SMARCC1: variants seen among roughly 807,000 people sequenced by gnomAD.
SMARCC1 encodes the protein SWI/SNF complex subunit SMARCC1.
Under a neutral mutation model 147.4 loss-of-function variants are expected in SMARCC1, and 43 were observed. The observed-to-expected ratio is 0.29, with a 90% CI of 0.23 to 0.38. The LOEUF is 0.38. Ranked by LOEUF, SMARCC1 falls within the 10% of genes least tolerant of loss-of-function variation. The pLI is 1.00. For missense variants in SMARCC1, 1,119 were observed against 1,381.1 expected (o/e 0.81, Z 3.01); for synonymous variants, 495 against 484.4 (o/e 1.02, Z -0.29).
chr3:47,731,529 A>G (rs1032497173), intron 5 of SMARCC1, among the ~76,000 whole-genome samples: 2 of 152,216 alleles, frequency 1.3e-5, no homozygotes, highest in Non-Finnish European at 2.9e-5. Flanking sequence ...GCCCAGATCC[A>G]TCATAAGAAC....
chr3:47,644,448 A>G (rs549060382), intron 21 of SMARCC1, among the ~76,000 whole-genome samples: 2 of 152,190 alleles, frequency 1.3e-5, no homozygotes, highest in South Asian at 4.2e-4. Flanking sequence ...ATAAGCTATG[A>G]TTGTACCTCT....
chr3:47,589,606 A>C (rs1490735787), intron 27 of SMARCC1, among the ~76,000 whole-genome samples: 1 of 152,198 alleles, frequency 6.6e-6, no homozygotes, highest in Non-Finnish European at 1.5e-5. Context: ...TTGTGATCTT[A>C]TATACCTAGA....
intron 1 of SMARCC1, among the ~76,000 whole-genome samples, chr3:47,773,523 T>C (rs150840196): frequency 2.7e-5 from 4 of 148,326 alleles, no homozygotes; most frequent in East Asian, 2.0e-4. Context: ...CAAGGAAAAA[T>C]AATGGGTAAC....
At chr3:47,654,410 A>C (rs1297183407) in intron 21 of SMARCC1, among the ~76,000 whole-genome samples, 1 of 152,262 alleles carries the variant, frequency 6.6e-6, no homozygotes, top group Non-Finnish European at 1.5e-5. Context: ...TTAATTTTCA[A>C]ACTAAGAATT....
intron 26 of SMARCC1, among the ~76,000 whole-genome samples, chr3:47,594,486 TAGGCAGTGTTGAAG>T (rs1193790516): frequency 6.6e-6 from 1 of 152,126 alleles, no homozygotes; most frequent in Admixed American, 6.5e-5. Flanking sequence ...AGGACAGAAA[TAGGCAGTGTTGAAG>T]AGTCTGCCAA....
intron 24 of SMARCC1, among the ~76,000 whole-genome samples, chr3:47,634,989 A>G (rs2032949485): frequency 6.6e-6 from 1 of 152,242 alleles, no homozygotes; most frequent in African/African-American, 2.4e-5. Context: ...GAATGGAATG[A>G]AAAAAGTCAC....
At chr3:47,694,328 A>AG (rs2033823326) in intron 11 of SMARCC1, among the ~76,000 whole-genome samples, 1 of 152,184 alleles carries the variant, frequency 6.6e-6, no homozygotes, top group South Asian at 2.1e-4. Context: ...AGGCCAGGTG[A>AG]GGTGGCTCAT....
intron 2 of SMARCC1, among the ~76,000 whole-genome samples, chr3:47,766,880 G>A (rs1052406716): frequency 2.6e-5 from 4 of 152,002 alleles, no homozygotes; most frequent in East Asian, 1.9e-4. Flanking sequence ...GACTTGGGAA[G>A]TTACTATATA....
Position 47,781,830 on chromosome 3 carries a change from A to T in SMARCC1, c.-33T>A, listed in dbSNP as rs1488262190. On this transcript the variant is annotated 5_prime_UTR_variant, in exon 1 of 28. Transcript: ENST00000254480. ...GCCCGTCGTCCCCACAGCCTGGCCC[A>T]CCCCGGCCCTCGCGGTGTTTCCCGG... The T allele has an allele frequency of 6.9e-6, 9 of 1,299,748 alleles. No homozygotes were observed. In the East Asian group the frequency reaches 2.9e-4, roughly 42 times the overall value. 80.5% of individuals were successfully genotyped at this position (1,299,748 alleles called of 1,614,324 possible). A position where few individuals can be genotyped will look rare whatever the true frequency, so the allele number is the denominator to read the frequency against.
intron 4 of SMARCC1, among the ~76,000 whole-genome samples, chr3:47,736,563 C>A (rs908470155): frequency 1.3e-5 from 2 of 151,892 alleles, no homozygotes; most frequent in African/African-American, 2.4e-5. Context: ...GTAGTCCCAG[C>A]TACTCGGGAG....
At chr3:47,650,298 A>AATTATTATT (rs55981108) in intron 21 of SMARCC1, among the ~76,000 whole-genome samples, 10 of 141,062 alleles carry the variant, frequency 7.1e-5, no homozygotes, top group Middle Eastern at 3.6e-3. Context: ...TAATAATAAT[A>AATTATTATT]ATTATTATTA....
At chr3:47,636,513 C>A (rs895515938) in intron 22 of SMARCC1, among the ~76,000 whole-genome samples, 1 of 152,204 alleles carries the variant, frequency 6.6e-6, no homozygotes, top group African/African-American at 2.4e-5. Flanking sequence ...GTCTGGGAGG[C>A]TGAGGCAGGC....
chr3:47,634,773 T>G (rs1443583146), intron 24 of SMARCC1, among the ~76,000 whole-genome samples: 1 of 152,198 alleles, frequency 6.6e-6, no homozygotes, highest in Non-Finnish European at 1.5e-5. Flanking sequence ...CCTTTCAGTC[T>G]GTAAGATCAG....
intron 26 of SMARCC1, among the ~76,000 whole-genome samples, chr3:47,596,924 G>A (rs916584964): frequency 1.3e-5 from 2 of 151,800 alleles, no homozygotes; most frequent in East Asian, 3.9e-4. Flanking sequence ...GGCTAGGGGC[G>A]GTGGCTCCTG....
chr3:47,622,646 AC>A (rs2032751358), intron 24 of SMARCC1, among the ~76,000 whole-genome samples: 1 of 152,090 alleles, frequency 6.6e-6, no homozygotes, highest in Non-Finnish European at 1.5e-5. Context: ...GTACTTTGCC[AC>A]CTACCACCCC....
intron 10 of SMARCC1, among the ~76,000 whole-genome samples, chr3:47,703,789 G>T (rs936997445): frequency 6.6e-6 from 1 of 151,908 alleles, no homozygotes; most frequent in Admixed American, 6.6e-5. Flanking sequence ...AATAAAAATC[G>T]CATGATGAGT....
chr3:47,669,215 G>C (rs2033464972), intron 19 of SMARCC1, among the ~76,000 whole-genome samples: 1 of 152,152 alleles, frequency 6.6e-6, no homozygotes, highest in Non-Finnish European at 1.5e-5. Flanking sequence ...GTGTAATACT[G>C]TGGTTTTCTT....
At chr3:47,588,551 C>T (rs2032116748) in intron 27 of SMARCC1, among the ~76,000 whole-genome samples, 3 of 152,074 alleles carry the variant, frequency 2.0e-5, no homozygotes, top group Admixed American at 1.3e-4. Context: ...ATTTCCCCCA[C>T]CCTCCTTCCA....
chr3:47,588,485 G>A (rs1343097890), intron 27 of SMARCC1, among the ~76,000 whole-genome samples, 179 bp from the exon 28 acceptor site: 7 of 152,082 alleles, frequency 4.6e-5, no homozygotes, highest in Admixed American at 2.0e-4. Flanking sequence ...AACCTCTAGG[G>A]CACTGCTCAA....
Sources: allele counts gnomAD v4.1 joint callset (sites outside exome capture counted in the v4.1 genomes callset), GRCh38; gene constraint gnomAD v4.1.1; transcripts MANE v1.5; gene names NCBI Gene and HGNC (gene_info 2026-07-23, HGNC 2026-07-21).